The following ADAMTS3 variants were observed in gnomAD, a reference collection of about 807,000 sequenced individuals.
ADAMTS3 encodes the protein ADAM metallopeptidase with thrombospondin type 1 motif 3, also known as A disintegrin and metalloproteinase with thrombospondin motifs 3.
In ADAMTS3, 73 loss-of-function variants were observed where a neutral mutation model predicts 129.0. The ratio of observed to expected loss-of-function variants is 0.57; its 90% CI spans 0.47 to 0.69. ADAMTS3 has a LOEUF of 0.69. Among genes scored for constraint, ADAMTS3 ranks in the 30% least tolerant of loss-of-function variants. The pLI is 0.00. For synonymous variants in ADAMTS3, 477 were observed against 510.8 expected (o/e 0.93, Z 0.89); for missense variants, 1,457 against 1,514.5 (o/e 0.96, Z 0.63).
chr4:72,390,319 C>G (rs188399133), intron 4 of ADAMTS3, among the ~76,000 whole-genome samples: 267 of 152,206 alleles, frequency 1.8e-3, no homozygotes, highest in African/African-American at 6.3e-3. Context: ...ATAATAAGTA[C>G]ATTTATTTGT....
intron 18 of ADAMTS3, among the ~76,000 whole-genome samples, chr4:72,296,909 G>A (rs978665772): frequency 1.3e-5 from 2 of 151,820 alleles, no homozygotes; most frequent in African/African-American, 4.8e-5. Context: ...TTGTCTTACG[G>A]CATTTACTAG....
At chr4:72,506,010 G>A (rs1720150998) in intron 3 of ADAMTS3, among the ~76,000 whole-genome samples, 1 of 152,208 alleles carries the variant, frequency 6.6e-6, no homozygotes, top group Admixed American at 6.5e-5. Context: ...GGCTTCCAAT[G>A]CATGGAGATC....
intron 10 of ADAMTS3, 32 bp downstream of exon 10, chr4:72,318,539 CT>C (rs765907922): frequency 1.2e-6 from 2 of 1,605,166 alleles, no homozygotes; most frequent in South Asian, 1.1e-5. Flanking sequence ...AGATTTCGAG[CT>C]GCAAAATCTA....
rs1719492111 is a variant in ADAMTS3 at position 72,319,397 on chromosome 4, T to A, written c.1287A>T (p.Val429=). ...AGTGGTAACGATGGAATGCTGCTTG[T>A]ACCAAGGGAGCCATGACACTTCCCA... ...TAMGSVMAPL[V]QAAFHRYHWS... Residue 429 remains valine, a synonymous_variant, in exon 9 of 22, where the codon GTA becomes GTT. Transcript: ENST00000286657. 1.2e-6 allele frequency: 2 copies of A among 1,613,852 alleles called. No individual in the cohort carries two copies. The highest frequency in any genetic ancestry group is 1.3e-5 in the African/African-American group (1 of 74,914).
rs114446523 is a variant in ADAMTS3, at chr4:72,282,872, G to A, written c.*264C>T. On this transcript the variant is annotated 3_prime_UTR_variant, in exon 22 of 22. Coordinates refer to ENST00000286657, the MANE Select transcript of ADAMTS3 (RefSeq NM_014243.3). ...CAGTCCCTTTTCTGCTTCAGAGAGCGACCAACACAATCTTAGCAACATATT... is the reference window on the plus strand; with the variant it reads ...CAGTCCCTTTTCTGCTTCAGAGAGCAACCAACACAATCTTAGCAACATATT... The A allele has an allele frequency of 0.014, 3,835 of 280,080 alleles. 127 individuals are homozygous for A. The highest frequency in any genetic ancestry group is 0.074 in the African/African-American group (3,381 of 45,752). 17.3% of individuals were successfully genotyped at this position (280,080 alleles called of 1,614,324 possible).
At chr4:72,483,691 G>T (rs1719502227) in intron 3 of ADAMTS3, among the ~76,000 whole-genome samples, 1 of 152,180 alleles carries the variant, frequency 6.6e-6, no homozygotes, top group Non-Finnish European at 1.5e-5. Flanking sequence ...TAAAAGTAAA[G>T]AAGTAAAATC....
At chr4:72,451,108 G>T (rs183512420) in intron 3 of ADAMTS3, among the ~76,000 whole-genome samples, 77 of 151,836 alleles carry the variant, frequency 5.1e-4, no homozygotes, top group African/African-American at 1.8e-3. Context: ...TAAAAGGATA[G>T]CATACCCTTT....
intron 3 of ADAMTS3, among the ~76,000 whole-genome samples, chr4:72,450,569 T>A (rs891526302): frequency 2.0e-5 from 3 of 151,658 alleles, no homozygotes; most frequent in Non-Finnish European, 4.4e-5. Flanking sequence ...TCTTACAGAA[T>A]CTTTTCTGAG....
chr4:72,355,362 G>A (rs1720553738), intron 4 of ADAMTS3, among the ~76,000 whole-genome samples: 1 of 151,924 alleles, frequency 6.6e-6, no homozygotes, highest in African/African-American at 2.4e-5. Context: ...ATGTGGGGGT[G>A]GAGGGTGCTC....
chr4:72,303,773 G>A, intron 17 of ADAMTS3, 144 bp downstream of exon 17: 2 of 753,034 alleles, frequency 2.7e-6, no homozygotes, highest in Non-Finnish European at 2.1e-6. Context: ...AGAGTGGGGG[G>A]AAAGATAAAT....
chr4:72,413,811 A>G (rs988512144), intron 4 of ADAMTS3, among the ~76,000 whole-genome samples: 1 of 151,968 alleles, frequency 6.6e-6, no homozygotes, highest in Non-Finnish European at 1.5e-5. Context: ...TAAGCTAGGC[A>G]TACATTTCAT....
At chr4:72,529,798 TAA>T (rs1720920775) in intron 3 of ADAMTS3, among the ~76,000 whole-genome samples, 1 of 96,182 alleles carries the variant, frequency 1.0e-5, no homozygotes, top group Non-Finnish European at 1.9e-5. Context: ...TAATTTAATA[TAA>T]TATATATTAT....
At chr4:72,510,972 ATACACACACAGTGAACTCATTT>A (rs1237627629) in intron 3 of ADAMTS3, among the ~76,000 whole-genome samples, 14 of 152,214 alleles carry the variant, frequency 9.2e-5, no homozygotes, top group African/African-American at 3.1e-4. Flanking sequence ...AAACAAATCC[ATACACACACAGTGAACTCATTT>A]TCTACAAAAG....
chr4:72,324,490 A>G (rs541641733), intron 5 of ADAMTS3, among the ~76,000 whole-genome samples: 22 of 152,362 alleles, frequency 1.4e-4, no homozygotes, highest in Admixed American at 6.5e-5. Context: ...ACTAGAGATA[A>G]CAAAGTATAA....
intron 3 of ADAMTS3, among the ~76,000 whole-genome samples, chr4:72,453,280 C>A (rs1718457199): frequency 6.6e-6 from 1 of 151,798 alleles, no homozygotes; most frequent in African/African-American, 2.4e-5. Context: ...GTAGTAGAAA[C>A]AGCTGTAGTC....
rs1721064882 is a variant in ADAMTS3 at position 72,373,521 on chromosome 4, G to A, written c.662-33828C>T. Among the ~76,000 whole-genome samples the A allele has an allele frequency of 2.0e-5, 3 of 152,094 alleles. No individual in the cohort carries two copies. In the South Asian group the frequency reaches 6.2e-4, roughly 32 times the overall value. Reference sequence around the variant, plus strand: ...AAATAATTTGATTGAAAAAGAAACAGACACAAAAGATCACATACTACATGA... The same window carrying A: ...AAATAATTTGATTGAAAAAGAAACAAACACAAAAGATCACATACTACATGA... On this transcript the variant is annotated intron_variant, in intron 4 of 21. Coordinates refer to ENST00000286657, the MANE Select transcript of ADAMTS3 (RefSeq NM_014243.3).
chr4:72,302,795 G>A (rs1163855324), intron 17 of ADAMTS3, among the ~76,000 whole-genome samples: 1 of 152,110 alleles, frequency 6.6e-6, no homozygotes, highest in Non-Finnish European at 1.5e-5. Context: ...CACATTACAT[G>A]CAGTGCAGCA....
At chr4:72,496,602 C>T (rs1485409366) in intron 3 of ADAMTS3, among the ~76,000 whole-genome samples, 2 of 152,034 alleles carry the variant, frequency 1.3e-5, no homozygotes, top group Admixed American at 1.3e-4. Flanking sequence ...GATTTTCCAG[C>T]CCACCAGGAC....
chr4:72,355,784 T>C (rs2109849429), intron 4 of ADAMTS3, among the ~76,000 whole-genome samples: 1 of 152,146 alleles, frequency 6.6e-6, no homozygotes, highest in South Asian at 2.1e-4. Flanking sequence ...AATTACTCCA[T>C]CTGTCTTATT....
Sources: allele counts gnomAD v4.1 joint callset (sites outside exome capture counted in the v4.1 genomes callset), GRCh38; gene constraint gnomAD v4.1.1; transcripts MANE v1.5; gene names NCBI Gene and HGNC (gene_info 2026-07-23, HGNC 2026-07-21).